The following MCTP1 variants were observed in gnomAD, a reference collection of about 807,000 sequenced individuals.
MCTP1 encodes multiple C2 and transmembrane domain-containing protein 1.
MCTP1 carries 69 observed loss-of-function variants against 120.6 expected under a neutral mutation model. That is an observed-to-expected ratio of 0.57 (90% confidence interval 0.47 to 0.70). The LOEUF (loss-of-function observed/expected upper bound fraction) is 0.70. Among genes scored for constraint, MCTP1 ranks in the 30% least tolerant of loss-of-function variants. The probability of loss-of-function intolerance (pLI) is 0.00; values close to 1 mark genes in which losing one functional copy is unlikely to be tolerated. For missense variants in MCTP1, 1,203 were observed against 1,248.8 expected (o/e 0.96, Z 0.55); for synonymous variants, 529 against 493.1 (o/e 1.07, Z -0.96).
intron 18 of MCTP1, among the ~76,000 whole-genome samples, chr5:94,790,293 T>TGGGAGGCCCAGGGAAGGC (rs1778619542): frequency 6.6e-6 from 1 of 152,138 alleles, no homozygotes; most frequent in Non-Finnish European, 1.5e-5. Context: ...GGGATGCCAA[T>TGGGAGGCCCAGGGAAGGC]GGGAGGCCCA....
At chr5:94,772,526 C>T (rs1774321864) in intron 19 of MCTP1, among the ~76,000 whole-genome samples, 1 of 152,180 alleles carries the variant, frequency 6.6e-6, no homozygotes, top group South Asian at 2.1e-4. Flanking sequence ...TAGCACCCTT[C>T]ATCCTATCTG....
intron 16 of MCTP1, among the ~76,000 whole-genome samples, chr5:94,869,846 A>T (rs1797501088): frequency 6.6e-6 from 1 of 152,106 alleles, no homozygotes; most frequent in South Asian, 2.1e-4. Flanking sequence ...ATGATAGAAA[A>T]ATCATATTTC....
intron 1 of MCTP1, among the ~76,000 whole-genome samples, chr5:95,231,212 TAG>T (rs1473089839): frequency 6.6e-6 from 1 of 152,152 alleles, no homozygotes; most frequent in Admixed American, 6.5e-5. Flanking sequence ...TCTATACACT[TAG>T]AATATCTTCA....
Position 94,800,533 on chromosome 5 carries a change from A to G in MCTP1, c.2437-1401T>C, listed in dbSNP as rs182458208. Among the ~76,000 whole-genome samples the G allele has an allele frequency of 8.4e-4, 128 of 152,300 alleles. 2 individuals carry two copies. Among genetic ancestry groups the G allele is most frequent in the Admixed American group, 1.8e-3 (27 of 15,298 alleles). ...AGAAAATTAAACAGTATGAAATGGT[A>G]GAGAGACTCCTGGCCTCAGGGCCAG... On this transcript the variant is annotated intron_variant, in intron 17 of 22. Coordinates refer to ENST00000515393, the MANE Select transcript of MCTP1 (RefSeq NM_024717.7).
intron 1 of MCTP1, among the ~76,000 whole-genome samples, chr5:95,130,395 G>A (rs1758952724): frequency 6.6e-6 from 1 of 152,134 alleles, no homozygotes; most frequent in African/African-American, 2.4e-5. Flanking sequence ...CATAAAATGG[G>A]GAGTGAGAGA....
rs145487587 is a variant in MCTP1, at chr5:94,917,967, C to T, written c.1279G>A (p.Gly427Ser). 1.6e-4 allele frequency: 253 copies of T among 1,613,540 alleles called. No individual in the cohort carries two copies. The highest frequency in any genetic ancestry group is 1.9e-4 in the Non-Finnish European group (228 of 1,179,516). ...SVKSLFWRTCGRPALPVLGFC... is the reference protein window; with the variant it reads ...SVKSLFWRTCSRPALPVLGFC... ...CCCAGGACAGGAAGAGCTGGCCTGC[C>T]GCACGTCTGGATGGAAATGAATGAT... Residue 427 changes from glycine (G) to serine (S), a missense_variant, in exon 8 of 23, where the codon GGC (glycine) becomes AGC (serine). Transcript: ENST00000515393.
At chr5:95,113,229 T>C (rs1423505410) in intron 1 of MCTP1, among the ~76,000 whole-genome samples, 2 of 151,372 alleles carry the variant, frequency 1.3e-5, no homozygotes, top group Non-Finnish European at 2.9e-5. Context: ...GCAAGACAAA[T>C]AGAAGGCTCC....
intron 1 of MCTP1, among the ~76,000 whole-genome samples, chr5:95,167,107 C>T (rs1746504222): frequency 1.3e-5 from 2 of 152,126 alleles, no homozygotes; most frequent in South Asian, 4.1e-4. Flanking sequence ...TGATGTTGCC[C>T]TGTGTCCAAG....
chr5:94,743,631 ATTTTTTTTTTT>A (rs34620641), intron 19 of MCTP1, among the ~76,000 whole-genome samples: 1 of 86,658 alleles, frequency 1.2e-5, no homozygotes, highest in Non-Finnish European at 2.2e-5. Context: ...CAAAATCCAC[ATTTTTTTTTTT>A]TTTTTTTTTT....
At chr5:95,208,468 A>T (rs1245171995) in intron 1 of MCTP1, among the ~76,000 whole-genome samples, 46 of 152,316 alleles carry the variant, frequency 3.0e-4, no homozygotes, top group African/African-American at 1.1e-3. Context: ...ACTGTACAGA[A>T]GTATTTTATA....
intron 1 of MCTP1, among the ~76,000 whole-genome samples, chr5:95,216,829 A>G (rs1213322674): frequency 6.6e-6 from 1 of 152,238 alleles, no homozygotes; most frequent in Non-Finnish European, 1.5e-5. Context: ...TTCCTGACTT[A>G]CATGCCAATC....
In MCTP1 at chr5:94,714,846, A is replaced by G; in HGVS notation, c.2651T>C (p.Ile884Thr). ...KKGFINKIYAIQEVCVSVQNI... is the reference protein window; with the variant it reads ...KKGFINKIYATQEVCVSVQNI... ...CTGGACACTGACACATACCTCCTGG[A>G]TGGCATAGATTTTATTTATAAATCC... Residue 884 changes from isoleucine to threonine, a missense_variant, in exon 20 of 23, where the codon ATC (isoleucine) becomes ACC (threonine). Ile to Thr is a moderately conservative substitution (Grantham distance 89, BLOSUM62 -1). Coordinates refer to ENST00000515393, the MANE Select transcript of MCTP1 (RefSeq NM_024717.7). 1.9e-6 allele frequency: 3 copies of G among 1,612,860 alleles called. No individual in the cohort carries two copies. Among genetic ancestry groups the G allele is most frequent in the Non-Finnish European group, 2.5e-6 (3 of 1,178,958 alleles).
intron 19 of MCTP1, among the ~76,000 whole-genome samples, chr5:94,766,043 A>C (rs1561597632): frequency 6.6e-6 from 1 of 152,126 alleles, no homozygotes; most frequent in East Asian, 1.9e-4. Context: ...TCAGGAGTTC[A>C]AGACCAGCCC....
At position 95,100,626 on chromosome 5, in the gene MCTP1, A is replaced by T. The variant is rs147306210; in HGVS notation, c.721-83142T>A. Among the ~76,000 whole-genome samples, 608 of 152,354 alleles carry T rather than the reference A, an allele frequency of 4.0e-3. 1 individual carries two copies. Among genetic ancestry groups the T allele is most frequent in the Non-Finnish European group, 7.4e-3 (503 of 68,030 alleles). On this transcript the variant is annotated intron_variant, in intron 1 of 22. Transcript: ENST00000515393. ...AATCCCAAAACTCAAGAATAACTGC[A>T]TTATCCCTGACACTTCTGTTTTTGA...
chr5:95,231,472 T>C (rs1040272394), intron 1 of MCTP1, among the ~76,000 whole-genome samples: 1 of 152,202 alleles, frequency 6.6e-6, no homozygotes, highest in Non-Finnish European at 1.5e-5. Flanking sequence ...TGTGAATCTA[T>C]AGTTTTTAAG....
intron 2 of MCTP1, among the ~76,000 whole-genome samples, chr5:94,960,840 C>T (rs546499868): frequency 8.6e-4 from 131 of 152,238 alleles, no homozygotes; most frequent in African/African-American, 3.1e-3. Context: ...TAAATTAGTT[C>T]AACCACAGGG....
At chr5:94,935,168 A>G (rs1815863853) in intron 5 of MCTP1, among the ~76,000 whole-genome samples, 2 of 151,892 alleles carry the variant, frequency 1.3e-5, no homozygotes, top group Non-Finnish European at 2.9e-5. Context: ...ATTTTTTTTT[A>G]AAGACTCAAT....
intron 2 of MCTP1, among the ~76,000 whole-genome samples, chr5:94,958,109 G>T (rs1415459078): frequency 6.6e-6 from 1 of 152,194 alleles, no homozygotes; most frequent in Admixed American, 6.5e-5. Flanking sequence ...TCAGGATTAA[G>T]AAACTCACTC....
intron 1 of MCTP1, among the ~76,000 whole-genome samples, chr5:95,199,414 G>A (rs998675169): frequency 1.3e-5 from 2 of 152,146 alleles, no homozygotes; most frequent in Non-Finnish European, 2.9e-5. Flanking sequence ...AAAATAGGCA[G>A]AGGATCTGAA....
Sources: gnomAD v4.1 joint callset for allele counts (sites outside exome capture counted in the v4.1 genomes callset) on GRCh38, gnomAD v4.1.1 for gene constraint, MANE v1.5 for transcripts, NCBI Gene and HGNC (gene_info 2026-07-23, HGNC 2026-07-21) for gene names.